The following SEL1L3 variants were observed in gnomAD, a reference collection of about 807,000 sequenced individuals.
SEL1L3 encodes SEL1L family member 3.
Under a neutral mutation model 142.8 loss-of-function variants are expected in SEL1L3, and 76 were observed. The observed-to-expected ratio is 0.53, with a 90% CI of 0.44 to 0.64. The LOEUF is 0.64. SEL1L3 is among the 30% of genes least tolerant of loss of function. The pLI, the probability that SEL1L3 is intolerant of heterozygous loss-of-function variation, is 0.00. For synonymous variants in SEL1L3, 504 were observed against 519.6 expected, an observed-to-expected ratio of 0.97 and a Z score of 0.41; for missense variants, 1,262 against 1,381.7, an observed-to-expected ratio of 0.91 and a Z score of 1.37.
At chr4:25,765,052 T>C (rs1214520170) in intron 20 of SEL1L3, among the ~76,000 whole-genome samples, 1 of 152,116 alleles carries the variant, frequency 6.6e-6, no homozygotes, top group Non-Finnish European at 1.5e-5. Flanking sequence ...TGGAGTGCAA[T>C]GGTGTGATCA....
At chr4:25,734,210 T>G in the SEL1L3 span, among the ~76,000 whole-genome samples, 1 of 152,080 alleles carries the variant, frequency 6.6e-6, no homozygotes, top group Non-Finnish European at 1.5e-5. Context: ...TTTGTTTGTT[T>G]GTTTTTTGTA....
At chr4:25,862,223 G>A (rs1304443222) in intron 1 of SEL1L3, 1 of 152,844 alleles carries the variant, frequency 6.5e-6, no homozygotes. Context: ...GACGCGGGTG[G>A]CGGGCGCCGA....
chr4:25,805,551 T>C (rs1321641261), intron 9 of SEL1L3, among the ~76,000 whole-genome samples: 1 of 151,868 alleles, frequency 6.6e-6, no homozygotes, highest in Non-Finnish European at 1.5e-5. Context: ...ACCACGCGGA[T>C]AGAGACTTGT....
chr4:25,759,109 A>G (rs762732866), intron 20 of SEL1L3, 41 bp from the exon 21 acceptor site: 1 of 1,602,406 alleles, frequency 6.2e-7, no homozygotes, highest in Non-Finnish European at 8.5e-7. Flanking sequence ...AATCCTTGAA[A>G]TAAAACCTAG....
At chr4:25,744,411 T>C (rs989042406), downstream of SEL1L3, among the ~76,000 whole-genome samples, 1 of 136,330 alleles carries the variant, frequency 7.3e-6, no homozygotes, top group East Asian at 2.5e-4. Flanking sequence ...TGCAATGGCA[T>C]GGCACGATCT....
At chr4:25,850,159 G>A (rs1379420858) in intron 1 of SEL1L3, among the ~76,000 whole-genome samples, 1 of 152,116 alleles carries the variant, frequency 6.6e-6, no homozygotes, top group Non-Finnish European at 1.5e-5. Flanking sequence ...TTTGGCCCTG[G>A]AGAACATTGA....
chr4:25,827,383 C>T (rs1037966143), intron 6 of SEL1L3, among the ~76,000 whole-genome samples: 1 of 152,096 alleles, frequency 6.6e-6, no homozygotes, highest in African/African-American at 2.4e-5. Context: ...CACAGACACA[C>T]CCATGGGGAG....
chr4:25,754,773 T>C (rs1223310701), intron 23 of SEL1L3, among the ~76,000 whole-genome samples: 1 of 152,184 alleles, frequency 6.6e-6, no homozygotes, highest in Non-Finnish European at 1.5e-5. Context: ...GGATGATTCA[T>C]ATGCACATTA....
chr4:25,819,705 CAAGTCATATATGTTT>C, intron 8 of SEL1L3, 88 bp downstream of exon 8: 2 of 1,132,362 alleles, frequency 1.8e-6, no homozygotes, highest in South Asian at 3.4e-5. Flanking sequence ...GTATCTGAGC[CAAGTCATATATGTTT>C]AATTTTAATC....
chr4:25,830,207 T>C, intron 5 of SEL1L3, 51 bp from the exon 6 acceptor site: 1 of 1,141,914 alleles, frequency 8.8e-7, no homozygotes, highest in South Asian at 1.3e-5. Context: ...CACCCTACAT[T>C]ACCTATGCAG....
chr4:25,847,876 A>G lies in SEL1L3; in HGVS notation c.163-12T>C, dbSNP rs1188634953. 2.0e-6 allele frequency: 3 copies of G among 1,482,428 alleles called. No individual in the cohort carries two copies. The highest frequency in any genetic ancestry group is 1.4e-5 in the South Asian group (1 of 73,940). The allele number at this position is 1,482,428 out of a possible 1,614,324, so 91.8% of individuals were successfully genotyped here. A position where few individuals can be genotyped will look rare whatever the true frequency, so the allele number is the denominator to read the frequency against. ...GATGGTACAACATTCTGAAAAAAAG[A>G]AAAAGAAAGTAAGAAATACAGAAAG... On this transcript the variant is annotated splice_polypyrimidine_tract_variant and intron_variant, in intron 1 of 23. Coordinates refer to ENST00000399878, the MANE Select transcript of SEL1L3 (RefSeq NM_015187.5).
At chr4:25,758,432 C>A (rs1438184327) in intron 21 of SEL1L3, among the ~76,000 whole-genome samples, 2 of 152,178 alleles carry the variant, frequency 1.3e-5, no homozygotes, top group Non-Finnish European at 2.9e-5. Flanking sequence ...GATCGCACCA[C>A]TGCACTCCAG....
intron 1 of SEL1L3, among the ~76,000 whole-genome samples, chr4:25,850,718 ATC>A (rs988766580): frequency 2.7e-4 from 41 of 152,346 alleles, no homozygotes; most frequent in African/African-American, 9.4e-4. Flanking sequence ...AAAATAGTAC[ATC>A]CACTCATGGA....
intron 17 of SEL1L3, among the ~76,000 whole-genome samples, chr4:25,771,498 T>C (rs2109147197): frequency 6.6e-6 from 1 of 152,284 alleles, no homozygotes; most frequent in East Asian, 1.9e-4. Context: ...CTGAGCAGTT[T>C]CTCCACAATT....
chr4:25,794,491 C>T (rs934993046), intron 11 of SEL1L3, among the ~76,000 whole-genome samples: 4 of 152,146 alleles, frequency 2.6e-5, no homozygotes, highest in African/African-American at 7.2e-5. Context: ...CCATCTCATG[C>T]CAGGTAGATA....
intron 2 of SEL1L3, among the ~76,000 whole-genome samples, chr4:25,837,423 A>T (rs1029437295): frequency 1.3e-5 from 2 of 150,970 alleles, no homozygotes; most frequent in South Asian, 2.1e-4. Context: ...AGGTTTCTAA[A>T]GTGGAAAGAG....
intron 7 of SEL1L3, among the ~76,000 whole-genome samples, chr4:25,820,602 C>T (rs1190003056): frequency 6.6e-6 from 1 of 152,158 alleles, no homozygotes; most frequent in African/African-American, 2.4e-5. Flanking sequence ...TGGGTGGGAA[C>T]CTCCAGAGTT....
intron 11 of SEL1L3, among the ~76,000 whole-genome samples, chr4:25,796,446 AAT>A (rs1712758555): frequency 6.6e-6 from 1 of 151,688 alleles, no homozygotes; most frequent in African/African-American, 2.4e-5. Flanking sequence ...AGAAAAAAAA[AAT>A]ATGTGTGTGT....
chr4:25,843,351 T>C (rs1577686140), intron 2 of SEL1L3, among the ~76,000 whole-genome samples: 1 of 152,072 alleles, frequency 6.6e-6, no homozygotes, highest in Admixed American at 6.5e-5. Context: ...GACAGGAGGA[T>C]GACGGCTTAG....
Sources: allele counts gnomAD v4.1 joint callset (sites outside exome capture counted in the v4.1 genomes callset), GRCh38; gene constraint gnomAD v4.1.1; transcripts MANE v1.5; gene names NCBI Gene and HGNC (gene_info 2026-07-23, HGNC 2026-07-21).